The following PCDHA1 variants were observed in gnomAD, a reference collection of about 807,000 sequenced individuals.
PCDHA1 encodes protocadherin alpha 1.
In PCDHA1, 42 loss-of-function variants were observed where a neutral mutation model predicts 61.3. The ratio of observed to expected loss-of-function variants is 0.69; its 90% CI spans 0.54 to 0.89. The LOEUF (loss-of-function observed/expected upper bound fraction) is 0.89. Among genes scored for constraint, PCDHA1 ranks in the 40% least tolerant of loss-of-function variants. The probability of loss-of-function intolerance (pLI) is 0.00; values close to 1 mark genes in which losing one functional copy is unlikely to be tolerated. For synonymous variants in PCDHA1, 610 were observed against 553.8 expected (o/e 1.10, Z -1.43); for missense variants, 1,256 against 1,235.3 (o/e 1.02, Z -0.25).
chr5:140,850,782 G>A (rs1485656675), intron 1 of PCDHA1: 2 of 1,598,136 alleles, frequency 1.3e-6, no homozygotes, highest in African/African-American at 1.3e-5. Flanking sequence ...CTCTGGCGAG[G>A]GTAAGCAGAA....
intron 1 of PCDHA1, among the ~76,000 whole-genome samples, chr5:140,844,605 G>GA (rs1306948486): frequency 6.7e-6 from 1 of 149,186 alleles, no homozygotes; most frequent in Non-Finnish European, 1.5e-5. Context: ...ATATGACTTA[G>GA]AAAAATGTTT....
chr5:140,883,861 G>A (rs1554180326), intron 1 of PCDHA1: 2 of 1,613,126 alleles, frequency 1.2e-6, no homozygotes, highest in South Asian at 1.1e-5. Flanking sequence ...TGGAGCTGTT[G>A]CAGTTCCAGG....
At chr5:140,929,410 C>G (rs2086136493) in intron 1 of PCDHA1, 1 of 1,505,808 alleles carries the variant, frequency 6.6e-7, no homozygotes, top group Non-Finnish European at 8.9e-7. Context: ...ACAAGCCTTT[C>G]ACAACATTTC....
intron 1 of PCDHA1, chr5:140,857,440 G>A (rs2044596243): frequency 6.3e-7 from 1 of 1,598,588 alleles, no homozygotes; most frequent in Non-Finnish European, 8.6e-7. Context: ...TGTTCGTGAA[G>A]GAGAACAACC....
chr5:140,823,576 G>T (rs2150127070), intron 1 of PCDHA1: 2 of 1,613,976 alleles, frequency 1.2e-6, no homozygotes, highest in Non-Finnish European at 1.7e-6. Context: ...CCCTGATTCG[G>T]GCTACAACGC....
At chr5:140,940,822 A>G (rs1446773813) in intron 1 of PCDHA1, among the ~76,000 whole-genome samples, 9 of 152,200 alleles carry the variant, frequency 5.9e-5, no homozygotes, top group Admixed American at 3.9e-4. Context: ...GAGATCTTGG[A>G]TGGAAATACC....
At chr5:140,870,201 G>A in intron 1 of PCDHA1, 2 of 1,614,140 alleles carry the variant, frequency 1.2e-6, no homozygotes, top group Non-Finnish European at 8.5e-7. Context: ...AGCCCAGCAC[G>A]GTCATTGCCC....
chr5:140,830,035 G>A, intron 1 of PCDHA1: 1 of 1,613,880 alleles, frequency 6.2e-7, no homozygotes, highest in Non-Finnish European at 8.5e-7. Flanking sequence ...ACCGGCTGCT[G>A]GTGCTGGTGA....
At chr5:140,928,374 C>A in intron 1 of PCDHA1, 1 of 1,614,172 alleles carries the variant, frequency 6.2e-7, no homozygotes, top group Non-Finnish European at 8.5e-7. Context: ...GGCCATCAGC[C>A]TCTAGCTTGC....
intron 1 of PCDHA1, among the ~76,000 whole-genome samples, chr5:140,881,035 C>T (rs563210273): frequency 6.6e-6 from 1 of 152,186 alleles, no homozygotes; most frequent in African/African-American, 2.4e-5. Context: ...CAGTCATTTC[C>T]TATAGAGTTG....
chr5:140,823,693 G>A, intron 1 of PCDHA1: 1 of 1,613,958 alleles, frequency 6.2e-7, no homozygotes, highest in Non-Finnish European at 8.5e-7. Context: ...GGATGAGACC[G>A]AAGCACCGCG....
At position 140,877,303 on chromosome 5, in the gene PCDHA1, T is replaced by C. The variant is rs566187421; in HGVS notation, c.2394+88619T>C. 3.5e-4 allele frequency: 564 copies of C among 1,613,850 alleles called. 6 individuals are homozygous for C. In the South Asian group the frequency reaches 5.9e-3, roughly 17 times the overall value. On this transcript the variant is annotated intron_variant, in intron 1 of 3. Transcript: ENST00000504120. ...CTATAACGCTTGGCTGTCCTACGAGTTGCAACCGGCGGCGGTCGGCGCGCA... is the reference window on the plus strand; with the variant it reads ...CTATAACGCTTGGCTGTCCTACGAGCTGCAACCGGCGGCGGTCGGCGCGCA...
chr5:140,856,012 G>A lies in PCDHA1; in HGVS notation c.2394+67328G>A, dbSNP rs1158329125. 3 of 1,546,896 alleles carry A rather than the reference G, an allele frequency of 1.9e-6. No homozygotes were observed. The East Asian group carries it at 6.8e-5, about 35-fold the overall frequency. ...TCAGATCGTATGTGCGTTCTAGACC[G>A]CTGATTCGTCGATTTGTAAAACAAG... is the stretch of plus-strand genomic sequence containing the variant. On this transcript the variant is annotated intron_variant, in intron 1 of 3. Coordinates refer to ENST00000504120, the MANE Select transcript of PCDHA1 (RefSeq NM_018900.4).
chr5:140,934,004 T>G (rs556218652), intron 1 of PCDHA1, among the ~76,000 whole-genome samples: 1 of 152,204 alleles, frequency 6.6e-6, no homozygotes, highest in Non-Finnish European at 1.5e-5. Flanking sequence ...CCTCTCATTT[T>G]TCTTGACTAG....
intron 1 of PCDHA1, chr5:140,853,989 C>A: frequency 4.0e-6 from 2 of 494,684 alleles, no homozygotes; most frequent in Non-Finnish European, 5.4e-6. Context: ...TGTAGTGAGA[C>A]TCATCTCTGC....
At chr5:141,005,627 G>A (rs1051972778) in intron 3 of PCDHA1, among the ~76,000 whole-genome samples, 1 of 148,378 alleles carries the variant, frequency 6.7e-6, no homozygotes, top group Non-Finnish European at 1.5e-5. Flanking sequence ...GCGTGAACCC[G>A]GGAGGCGGAG....
At chr5:140,826,225 A>T (rs1768853170) in intron 1 of PCDHA1, among the ~76,000 whole-genome samples, 1 of 152,198 alleles carries the variant, frequency 6.6e-6, no homozygotes, top group Non-Finnish European at 1.5e-5. Flanking sequence ...AAGTTTTGTG[A>T]TATAAACTAT....
chr5:140,841,896 T>A (rs2150325058), intron 1 of PCDHA1: 2 of 1,613,838 alleles, frequency 1.2e-6, no homozygotes, highest in Middle Eastern at 1.6e-4. Context: ...AATAAACTGG[T>A]TGAGCTCGTA....
chr5:140,789,540 C>T (rs1378288474), intron 1 of PCDHA1, among the ~76,000 whole-genome samples: 1 of 151,960 alleles, frequency 6.6e-6, no homozygotes, highest in East Asian at 1.9e-4. Context: ...TTTATGAAAA[C>T]ATACAACCAC....
Sources: gnomAD v4.1 joint callset for allele counts (sites outside exome capture counted in the v4.1 genomes callset) on GRCh38, gnomAD v4.1.1 for gene constraint, MANE v1.5 for transcripts, NCBI Gene and HGNC (gene_info 2026-07-23, HGNC 2026-07-21) for gene names.